ADGRL2: variants seen among roughly 807,000 people sequenced by gnomAD.
ADGRL2 encodes the protein calcium-independent alpha-latrotoxin receptor 2.
ADGRL2 carries 44 observed loss-of-function variants against 157.4 expected under a neutral mutation model. The ratio of observed to expected loss-of-function variants is 0.28; its 90% CI spans 0.22 to 0.36. The LOEUF is 0.36. Ranked by LOEUF, ADGRL2 falls within the 10% of genes least tolerant of loss-of-function variation. The pLI, the probability that ADGRL2 is intolerant of heterozygous loss-of-function variation, is 1.00. For synonymous variants in ADGRL2, 585 were observed against 624.7 expected, an observed-to-expected ratio of 0.94 and a Z score of 0.95; for missense variants, 1,510 against 1,768.9, an observed-to-expected ratio of 0.85 and a Z score of 2.63.
intron 1 of ADGRL2, among the ~76,000 whole-genome samples, chr1:81,826,723 G>T (rs780781905): frequency 6.6e-6 from 1 of 152,048 alleles, no homozygotes; most frequent in Non-Finnish European, 1.5e-5. Context: ...TATCCTTATC[G>T]CCAGAGACAT....
At chr1:81,433,772 G>C (rs749578577) in intron 1 of ADGRL2, among the ~76,000 whole-genome samples, 2 of 152,134 alleles carry the variant, frequency 1.3e-5, no homozygotes, top group African/African-American at 2.4e-5. Flanking sequence ...ACTTTTCCGT[G>C]GATTGACTGG....
intron 2 of ADGRL2, among the ~76,000 whole-genome samples, chr1:81,466,318 A>C (rs933346467): frequency 1.1e-4 from 16 of 152,320 alleles, no homozygotes; most frequent in Admixed American, 9.2e-4. Flanking sequence ...TCATGATATC[A>C]AAGTGTAGGC....
At chr1:81,748,168 G>T (rs917471038) in intron 1 of ADGRL2, among the ~76,000 whole-genome samples, 2 of 151,898 alleles carry the variant, frequency 1.3e-5, no homozygotes, top group Admixed American at 1.3e-4. Context: ...GACTAAAATG[G>T]TCAATTTTTG....
intron 3 of ADGRL2, among the ~76,000 whole-genome samples, chr1:81,926,725 C>G (rs1355038927): frequency 6.6e-6 from 1 of 151,700 alleles, no homozygotes; most frequent in African/African-American, 2.4e-5. Flanking sequence ...GTAGTTAGAC[C>G]TGATGACCCT....
At chr1:81,682,182 A>T (rs1287331953) in intron 3 of ADGRL2, among the ~76,000 whole-genome samples, 1 of 151,378 alleles carries the variant, frequency 6.6e-6, no homozygotes, top group Non-Finnish European at 1.5e-5. Context: ...ACAGGAAGGA[A>T]GCTGTTGCTG....
chr1:81,423,924 A>G (rs954414420), intron 1 of ADGRL2, among the ~76,000 whole-genome samples: 2 of 152,232 alleles, frequency 1.3e-5, no homozygotes, highest in Non-Finnish European at 2.9e-5. Flanking sequence ...GCTCACTCTC[A>G]TCCTGAAGAA....
At chr1:81,809,833 A>G (rs1459033680) in intron 1 of ADGRL2, among the ~76,000 whole-genome samples, 1 of 151,938 alleles carries the variant, frequency 6.6e-6, no homozygotes, top group Non-Finnish European at 1.5e-5. Context: ...CTCTTTTAAA[A>G]CTGATTTTGA....
intron 1 of ADGRL2, among the ~76,000 whole-genome samples, chr1:81,823,741 G>A (rs2091217373): frequency 6.6e-6 from 1 of 152,126 alleles, no homozygotes; most frequent in South Asian, 2.1e-4. Flanking sequence ...AGGAACAGTA[G>A]TTAGCCAAGG....
chr1:81,888,526 C>T (rs2094181699), intron 2 of ADGRL2, among the ~76,000 whole-genome samples: 1 of 152,116 alleles, frequency 6.6e-6, no homozygotes, highest in Admixed American at 6.5e-5. Context: ...GCAAGCTCTG[C>T]CTCCTGGGTT....
At chr1:81,441,734 T>A (rs2077510997) in intron 1 of ADGRL2, among the ~76,000 whole-genome samples, 1 of 152,174 alleles carries the variant, frequency 6.6e-6, no homozygotes, top group South Asian at 2.1e-4. Context: ...GAGACGGGGT[T>A]TCACTATGTT....
chr1:81,935,882 A>G (rs953183615), intron 3 of ADGRL2, among the ~76,000 whole-genome samples: 2 of 151,910 alleles, frequency 1.3e-5, no homozygotes, highest in African/African-American at 4.8e-5. Flanking sequence ...ATTCTTGGTG[A>G]ATTACTGACA....
At chr1:81,899,042 G>A (rs1445037120) in intron 2 of ADGRL2, among the ~76,000 whole-genome samples, 1 of 152,220 alleles carries the variant, frequency 6.6e-6, no homozygotes, top group Admixed American at 6.5e-5. Flanking sequence ...AACAGCATGA[G>A]CAGTAGCAAA....
chr1:81,744,360 T>C (rs2085173376), intron 1 of ADGRL2, among the ~76,000 whole-genome samples: 1 of 152,102 alleles, frequency 6.6e-6, no homozygotes, highest in Non-Finnish European at 1.5e-5. Flanking sequence ...AACCGATGAA[T>C]ACAGATATAA....
At chr1:81,320,888 A>G (rs1350002298) in intron 1 of ADGRL2, among the ~76,000 whole-genome samples, 1 of 152,216 alleles carries the variant, frequency 6.6e-6, no homozygotes, top group Non-Finnish European at 1.5e-5. Flanking sequence ...TTAGCCTCTA[A>G]CAAAGTCATC....
At chr1:81,692,127 C>A (rs1203677453) in intron 3 of ADGRL2, among the ~76,000 whole-genome samples, 2 of 151,512 alleles carry the variant, frequency 1.3e-5, no homozygotes, top group African/African-American at 4.9e-5. Context: ...TCAAATTAGG[C>A]CGGGTGTGGT....
chr1:81,763,511 C>A (rs2085975877), intron 2 of ADGRL2, among the ~76,000 whole-genome samples: 1 of 151,044 alleles, frequency 6.6e-6, no homozygotes, highest in Non-Finnish European at 1.5e-5. Flanking sequence ...ATCGTTTGAA[C>A]CCAGGAGGCG....
At chr1:81,678,361 T>A (rs1375824045) in intron 3 of ADGRL2, among the ~76,000 whole-genome samples, 1 of 152,200 alleles carries the variant, frequency 6.6e-6, no homozygotes, top group African/African-American at 2.4e-5. Context: ...TTTTATAGTG[T>A]AGTTGTAGCC....
At chr1:81,880,766 A>T in intron 2 of ADGRL2, among the ~76,000 whole-genome samples, 1 of 152,032 alleles carries the variant, frequency 6.6e-6, no homozygotes, top group Admixed American at 6.6e-5. Flanking sequence ...AAGGGACAGA[A>T]TTTTTCACCA....
chr1:81,426,948 A>G, intron 1 of ADGRL2: 1 of 726,988 alleles, frequency 1.4e-6, no homozygotes, highest in South Asian at 1.4e-5. Flanking sequence ...AGTGAAAAAA[A>G]GGAAGGATTT....
Sources: gnomAD v4.1 joint callset for allele counts (sites outside exome capture counted in the v4.1 genomes callset) on GRCh38, gnomAD v4.1.1 for gene constraint, MANE v1.5 for transcripts, NCBI Gene and HGNC (gene_info 2026-07-23, HGNC 2026-07-21) for gene names.